PIK3C3: variants seen among roughly 807,000 people sequenced by gnomAD.
PIK3C3 encodes PI3-kinase type 3.
A neutral mutation model predicts 126.1 loss-of-function variants in PIK3C3; 95 were observed. That is an observed-to-expected ratio of 0.75 (90% CI 0.64 to 0.89). The LOEUF (loss-of-function observed/expected upper bound fraction) is 0.89. Ranked by LOEUF, PIK3C3 falls within the 40% of genes least tolerant of loss-of-function variation. PIK3C3 has a pLI of 0.00. For synonymous variants in PIK3C3, 374 were observed against 360.0 expected, an observed-to-expected ratio of 1.04 and a Z score of -0.44; for missense variants, 829 against 1,063.2, an observed-to-expected ratio of 0.78 and a Z score of 3.06.
intron 10 of PIK3C3, among the ~76,000 whole-genome samples, chr18:42,006,823 G>C (rs1156356927): frequency 2.0e-5 from 3 of 151,184 alleles, no homozygotes; most frequent in Non-Finnish European, 1.5e-5. Context: ...AGAGGTGTGT[G>C]GGGGAGGGTA....
At chr18:42,004,653 AAG>A (rs767101409) in intron 10 of PIK3C3, 112 bp downstream of exon 10, 3 of 814,674 alleles carry the variant, frequency 3.7e-6, no homozygotes, top group African/African-American at 1.8e-5. Flanking sequence ...GTGCACATGC[AAG>A]AGAGATTTTT....
chr18:42,040,972 T>C (rs1984287953), intron 19 of PIK3C3, among the ~76,000 whole-genome samples: 1 of 152,118 alleles, frequency 6.6e-6, no homozygotes, highest in Non-Finnish European at 1.5e-5. Flanking sequence ...GGATCAGGCA[T>C]TAATTGGTGA....
At chr18:42,066,852 G>A (rs1985562269) in intron 23 of PIK3C3, among the ~76,000 whole-genome samples, 1 of 152,058 alleles carries the variant, frequency 6.6e-6, no homozygotes, top group Non-Finnish European at 1.5e-5. Flanking sequence ...GGGGATGTAG[G>A]GAAATTCAAT....
At position 42,029,534 on chromosome 18, in the gene PIK3C3, A is replaced by ATTT. The variant is rs57593886; in HGVS notation, c.1707+119_1707+121dup. 8.7e-4 allele frequency: 185 copies of ATTT among 212,598 alleles called. 1 individual carries two copies. The highest frequency in any genetic ancestry group is 1.7e-3 in the South Asian group (41 of 24,688). The allele number at this position is 212,598 out of a possible 1,614,324, so 13.2% of individuals were successfully genotyped here. On this transcript the variant is annotated intron_variant, in intron 15 of 24. Coordinates refer to ENST00000262039, the MANE Select transcript of PIK3C3 (RefSeq NM_002647.4). ...ATTGTCTTTTTGGGTTGATACGTGAATTTTTTTTTTTTTTTTTTTTTTTTT... is the reference window on the plus strand; with the variant it reads ...ATTGTCTTTTTGGGTTGATACGTGAATTTTTTTTTTTTTTTTTTTTTTTTTTTT...
At chr18:42,008,987 CAGGTAAT>C (rs2144393234) in intron 10 of PIK3C3, among the ~76,000 whole-genome samples, 1 of 152,156 alleles carries the variant, frequency 6.6e-6, no homozygotes, top group Admixed American at 6.5e-5. Context: ...GGAAAGCACA[CAGGTAAT>C]AGATTGAGCA....
intron 4 of PIK3C3, among the ~76,000 whole-genome samples, chr18:41,972,824 A>G (rs1228259064): frequency 6.6e-6 from 1 of 152,002 alleles, no homozygotes; most frequent in African/African-American, 2.4e-5. Context: ...TTGATATAGC[A>G]GTTGCTTGTG....
intron 10 of PIK3C3, among the ~76,000 whole-genome samples, chr18:42,008,973 A>ATTAG (rs1308480844): frequency 1.3e-5 from 2 of 152,100 alleles, no homozygotes; most frequent in African/African-American, 4.8e-5. Flanking sequence ...CTTTTCTGTA[A>ATTAG]TTAGGAAAGC....
At position 41,996,638 on chromosome 18, in the gene PIK3C3, A is replaced by G; in HGVS notation, c.892A>G (p.Ile298Val). The G allele has an allele frequency of 6.7e-7, 1 of 1,503,184 alleles. No individual in the cohort carries two copies. The highest frequency in any genetic ancestry group is 9.1e-7 in the Non-Finnish European group (1 of 1,103,656). 93.1% of individuals were successfully genotyped at this position (1,503,184 alleles called of 1,614,324 possible). A position where few individuals can be genotyped will look rare whatever the true frequency, so the allele number is the denominator to read the frequency against. The change falls in exon 9 of 25, where the codon ATT becomes GTT. Residue 298 changes from isoleucine to valine, a missense_variant and splice_region_variant. Transcript: ENST00000262039. Reference sequence around the variant, plus strand: ...AGTTCTTTTTCTTTTTTTGTTTTAGATTATTGTGAGTTATCCACCAACCAA... The same window carrying G: ...AGTTCTTTTTCTTTTTTTGTTTTAGGTTATTGTGAGTTATCCACCAACCAA... ...PNAATRDQLN[I>V]IVSYPPTKQL...
chr18:42,056,551 A>T (rs1359128570), intron 21 of PIK3C3, among the ~76,000 whole-genome samples: 1 of 151,996 alleles, frequency 6.6e-6, no homozygotes, highest in African/African-American at 2.4e-5. Context: ...AAATAATTAA[A>T]TAAAACCAAG....
rs377292830 is a variant in PIK3C3, at chr18:41,995,250, C to T, written c.787-640C>T. 2.2e-3 allele frequency among the ~76,000 whole-genome samples: 336 copies of T among 151,722 alleles called. 1 individual carries two copies. Among genetic ancestry groups the T allele is most frequent in the African/African-American group, 7.5e-3 (310 of 41,342 alleles). The stretch of plus-strand genomic sequence containing the variant: ...CATTACAGATATATTAAGGCTGATA[C>T]ATAAAGAACTCTTAAAAATGAAGGA... On this transcript the variant is annotated intron_variant, in intron 7 of 24. Transcript: ENST00000262039.
chr18:42,008,517 A>G (rs543929107), intron 10 of PIK3C3, among the ~76,000 whole-genome samples: 64 of 152,252 alleles, frequency 4.2e-4, no homozygotes, highest in African/African-American at 1.3e-3. Context: ...TTAATTCAAT[A>G]AGAAATGGGA....
At chr18:42,076,125 C>CATATATAT (rs1170833789) in intron 24 of PIK3C3, among the ~76,000 whole-genome samples, 5 of 47,668 alleles carry the variant, frequency 1.0e-4, no homozygotes, top group South Asian at 1.1e-3. Context: ...TATATATGCG[C>CATATATAT]ATATATATAT....
chr18:42,065,212 T>A (rs1383117046), intron 23 of PIK3C3, among the ~76,000 whole-genome samples: 1 of 152,152 alleles, frequency 6.6e-6, no homozygotes, highest in African/African-American at 2.4e-5. Flanking sequence ...TTTTTTTTAA[T>A]AACTAGATGT....
At position 42,037,901 on chromosome 18, in the gene PIK3C3, C is replaced by T. The variant is rs1567994764; in HGVS notation, c.1968+81C>T. ...CTTAGTTCATTTGCTGTTTATGGAA[C>T]AGAAGTATTTGTAACATTCAGGTAC... On this transcript the variant is annotated intron_variant, in intron 17 of 24. Coordinates refer to ENST00000262039, the MANE Select transcript of PIK3C3 (RefSeq NM_002647.4). 5 of 1,286,842 alleles carry T rather than the reference C, an allele frequency of 3.9e-6. No homozygotes were observed. The African/African-American group carries it at 5.9e-5, about 15-fold the overall frequency. 79.7% of individuals were successfully genotyped at this position (1,286,842 alleles called of 1,614,324 possible). A position where few individuals can be genotyped will look rare whatever the true frequency, so the allele number is the denominator to read the frequency against.
intron 9 of PIK3C3, among the ~76,000 whole-genome samples, chr18:41,999,588 A>G (rs1982186139): frequency 6.6e-6 from 1 of 152,330 alleles, no homozygotes; most frequent in East Asian, 1.9e-4. Context: ...CTAGCATTAT[A>G]TAAGACTATG....
At chr18:42,070,168 C>T (rs533107393) in intron 24 of PIK3C3, among the ~76,000 whole-genome samples, 2 of 152,266 alleles carry the variant, frequency 1.3e-5, no homozygotes, top group East Asian at 3.9e-4. Context: ...CTGATTTCCC[C>T]AAGAGGATAT....
At chr18:41,981,399 G>A (rs959101482) in intron 4 of PIK3C3, among the ~76,000 whole-genome samples, 1 of 152,132 alleles carries the variant, frequency 6.6e-6, no homozygotes, top group African/African-American at 2.4e-5. Flanking sequence ...TCTTCAAGAA[G>A]TTTAACTAAA....
At chr18:41,965,764 C>A (rs555754392) in intron 3 of PIK3C3, among the ~76,000 whole-genome samples, 9 of 152,238 alleles carry the variant, frequency 5.9e-5, no homozygotes, top group African/African-American at 1.9e-4. Context: ...CTGTGTATAT[C>A]CCAGTGAAAG....
At chr18:41,973,278 C>T (rs1201579324) in intron 4 of PIK3C3, among the ~76,000 whole-genome samples, 3 of 151,926 alleles carry the variant, frequency 2.0e-5, no homozygotes, top group African/African-American at 7.3e-5. Flanking sequence ...AATAATGGGG[C>T]TTTGCTCTTA....
Sources: allele counts gnomAD v4.1 joint callset (sites outside exome capture counted in the v4.1 genomes callset), GRCh38; gene constraint gnomAD v4.1.1; transcripts MANE v1.5; gene names NCBI Gene and HGNC (gene_info 2026-07-23, HGNC 2026-07-21).